SYN3: variants seen among roughly 807,000 people sequenced by gnomAD.
SYN3 encodes the protein synapsin-3.
A neutral mutation model predicts 65.8 loss-of-function variants in SYN3; 35 were observed. That is an observed-to-expected ratio of 0.53 (90% CI 0.41 to 0.70). The LOEUF is 0.70. Ranked by LOEUF, SYN3 falls within the 30% of genes least tolerant of loss-of-function variation. The pLI, the probability that SYN3 is intolerant of heterozygous loss-of-function variation, is 0.00. For missense variants in SYN3, 680 were observed against 749.0 expected (o/e 0.91, Z 1.08); for synonymous variants, 270 against 292.9 (o/e 0.92, Z 0.80).
chr22:32,760,214 A>G (rs1342626913), intron 6 of SYN3, among the ~76,000 whole-genome samples: 3 of 86,364 alleles, frequency 3.5e-5, no homozygotes, highest in Admixed American at 1.2e-4. Flanking sequence ...CCCCCAGCCA[A>G]CAGCCACGCA....
At chr22:32,832,925 G>GTT (rs981724643) in intron 6 of SYN3, among the ~76,000 whole-genome samples, 4 of 151,992 alleles carry the variant, frequency 2.6e-5, no homozygotes, top group African/African-American at 9.7e-5. Flanking sequence ...TAGAGACAGG[G>GTT]TTTTACCTTG....
intron 6 of SYN3, among the ~76,000 whole-genome samples, chr22:32,601,862 C>T (rs1288747193): frequency 6.6e-6 from 1 of 151,840 alleles, no homozygotes; most frequent in Non-Finnish European, 1.5e-5. Context: ...ATTCTAAAGA[C>T]AGTAAATGCC....
chr22:32,868,471 G>A (rs755237588), intron 5 of SYN3, among the ~76,000 whole-genome samples: 5 of 151,270 alleles, frequency 3.3e-5, no homozygotes, highest in Admixed American at 2.0e-4. Flanking sequence ...ACAGAGTTTC[G>A]CTGTTGTTGC....
At chr22:32,708,647 A>G (rs2060912630) in intron 6 of SYN3, among the ~76,000 whole-genome samples, 1 of 152,172 alleles carries the variant, frequency 6.6e-6, no homozygotes, top group African/African-American at 2.4e-5. Context: ...ATTTCACAGA[A>G]GCAGCTTGCC....
Position 32,582,747 on chromosome 22 carries a change from C to A in SYN3, c.774+13927G>T, listed in dbSNP as rs2058967230. Among the ~76,000 whole-genome samples, 2 of 152,104 alleles carry A rather than the reference C, an allele frequency of 1.3e-5. 1 individual carries two copies. Among genetic ancestry groups the A allele is most frequent in the African/African-American group, 4.8e-5 (2 of 41,388 alleles). ...GCTGCCAGTACTTCCATAGGGCACA[C>A]TGAGCAGCAAGGCTACCGAAGAGCT... On this transcript the variant is annotated intron_variant, in intron 7 of 13. Coordinates refer to ENST00000358763, the MANE Select transcript of SYN3 (RefSeq NM_003490.4).
At chr22:32,588,985 T>C (rs1325446009) in intron 7 of SYN3, among the ~76,000 whole-genome samples, 1 of 152,174 alleles carries the variant, frequency 6.6e-6, no homozygotes, top group East Asian at 1.9e-4. Flanking sequence ...GATCCACCCC[T>C]TTTCTAGAAA....
chr22:32,775,630 C>T (rs1431845370), intron 6 of SYN3, among the ~76,000 whole-genome samples: 1 of 152,170 alleles, frequency 6.6e-6, no homozygotes, highest in Non-Finnish European at 1.5e-5. Flanking sequence ...CCACCAACCT[C>T]AAGGTATCAT....
In SYN3 at chr22:32,518,318, A is replaced by AGCTT; in HGVS notation, c.1331_1334dup (p.Gln446SerfsTer74). 1 of 1,608,760 alleles carries AGCTT rather than the reference A, an allele frequency of 6.2e-7. No individual in the cohort carries two copies. The highest frequency in any genetic ancestry group is 8.5e-7 in the Non-Finnish European group (1 of 1,177,496). The stretch of plus-strand genomic sequence containing the variant: ...CAGATCTCTGGGGCTGAGGAGACTG[A>AGCTT]GCTTGGCGAGGGCCTCCTAAGGGGC... On this transcript the variant is annotated frameshift_variant, in exon 13 of 14. Coordinates refer to ENST00000358763, the MANE Select transcript of SYN3 (RefSeq NM_003490.4). LOFTEE classifies it high-confidence loss of function.
intron 6 of SYN3, among the ~76,000 whole-genome samples, chr22:32,710,024 C>A (rs1464431815): frequency 6.7e-6 from 1 of 150,046 alleles, no homozygotes; most frequent in African/African-American, 2.5e-5. Flanking sequence ...ATTTTGGATA[C>A]ATTACCCCAA....
At chr22:32,769,836 C>A (rs1009330775) in intron 6 of SYN3, among the ~76,000 whole-genome samples, 12 of 152,126 alleles carry the variant, frequency 7.9e-5, no homozygotes, top group African/African-American at 2.4e-4. Flanking sequence ...CTTCTAAACA[C>A]TGTAGCACTC....
chr22:32,515,956 G>A lies in SYN3; in HGVS notation c.1610+2087C>T, dbSNP rs562461787. Among the ~76,000 whole-genome samples, 108 of 152,184 alleles carry A rather than the reference G, an allele frequency of 7.1e-4. 1 individual carries two copies. Among genetic ancestry groups the A allele is most frequent in the African/African-American group, 2.6e-3 (106 of 41,522 alleles). ...TGGGACTACAGGCGCACGCTGCCGC[G>A]CCTGGCTAATTTTTTGTATTTTTAG... On this transcript the variant is annotated intron_variant, in intron 13 of 13. Transcript: ENST00000358763.
chr22:32,833,666 C>A (rs1283900726), intron 6 of SYN3, among the ~76,000 whole-genome samples: 2 of 152,190 alleles, frequency 1.3e-5, no homozygotes, highest in African/African-American at 2.4e-5. Flanking sequence ...GAAGTAGGGG[C>A]TCCCAATTCA....
intron 6 of SYN3, among the ~76,000 whole-genome samples, chr22:32,765,325 C>A (rs781661597): frequency 1.3e-5 from 2 of 152,154 alleles, no homozygotes; most frequent in African/African-American, 4.8e-5. Flanking sequence ...AAACCTCGCT[C>A]GCCCACTTCA....
At chr22:32,680,804 A>C (rs2147111144) in intron 6 of SYN3, among the ~76,000 whole-genome samples, 1 of 152,348 alleles carries the variant, frequency 6.6e-6, no homozygotes, top group South Asian at 2.1e-4. Context: ...AAGGATTTCC[A>C]AACTTAGTTT....
intron 6 of SYN3, among the ~76,000 whole-genome samples, chr22:32,614,725 C>T (rs910577115): frequency 1.3e-4 from 20 of 152,124 alleles, no homozygotes; most frequent in Admixed American, 8.5e-4. Context: ...TACAAAAGGC[C>T]GAAGGCATTA....
chr22:32,600,828 C>T (rs1430207570), intron 6 of SYN3, among the ~76,000 whole-genome samples: 1 of 152,070 alleles, frequency 6.6e-6, no homozygotes, highest in African/African-American at 2.4e-5. Context: ...GCTGGTATTA[C>T]AGGCTGTGCC....
At chr22:32,620,298 AGC>A (rs775562599) in intron 6 of SYN3, among the ~76,000 whole-genome samples, 1 of 152,186 alleles carries the variant, frequency 6.6e-6, no homozygotes, top group South Asian at 2.1e-4. Flanking sequence ...GAGTGAAGAG[AGC>A]CAGTGTACTC....
intron 1 of SYN3, among the ~76,000 whole-genome samples, chr22:33,035,374 G>C (rs1385417689): frequency 1.8e-5 from 2 of 112,974 alleles, no homozygotes; most frequent in African/African-American, 6.8e-5. Flanking sequence ...AAAAGGGACA[G>C]TTAAGCCCAG....
At chr22:32,813,331 T>A (rs913223279) in intron 6 of SYN3, among the ~76,000 whole-genome samples, 1 of 152,166 alleles carries the variant, frequency 6.6e-6, no homozygotes, top group Non-Finnish European at 1.5e-5. Flanking sequence ...AGAGTGGCAG[T>A]AACTGTGGTG....
Sources: allele counts gnomAD v4.1 joint callset (sites outside exome capture counted in the v4.1 genomes callset), GRCh38; gene constraint gnomAD v4.1.1; transcripts MANE v1.5; gene names NCBI Gene and HGNC (gene_info 2026-07-23, HGNC 2026-07-21).